FSD2: variants seen among roughly 807,000 people sequenced by gnomAD.
The protein encoded by FSD2 is fibronectin type III and SPRY domain-containing protein 2.
Under a neutral mutation model 80.4 loss-of-function variants are expected in FSD2, and 71 were observed. The ratio of observed to expected loss-of-function variants is 0.88; its 90% CI spans 0.73 to 1.08. The LOEUF is 1.08. Among genes scored for constraint, FSD2 ranks in the 50% least tolerant of loss-of-function variants. FSD2 has a pLI of 0.00. For missense variants in FSD2, 923 were observed against 913.8 expected, an observed-to-expected ratio of 1.01 and a Z score of -0.13; for synonymous variants, 361 against 329.5, an observed-to-expected ratio of 1.10 and a Z score of -1.03.
chr15:82,786,523 G>A lies in FSD2; in HGVS notation c.723C>T (p.Phe241=). 2.5e-6 allele frequency: 4 copies of A among 1,613,008 alleles called. No homozygotes were observed. The highest frequency in any genetic ancestry group is 3.4e-6 in the Non-Finnish European group (4 of 1,179,286). ...ENFANHLEEV[F]ITVEENFGKQ... ...AGTGTGCTCTTACCTCCACAGTGATGAAAACCTCCTCCAAATGATTTGCAA... is the reference window on the plus strand; with the variant it reads ...AGTGTGCTCTTACCTCCACAGTGATAAAAACCTCCTCCAAATGATTTGCAA... Residue 241 remains phenylalanine (F), a synonymous_variant, in exon 3 of 13, where the codon TTC becomes TTT. Transcript: ENST00000334574.
chr15:82,769,065 T>A (rs1243310670), intron 8 of FSD2, 35 bp from the exon 9 acceptor site: 8 of 1,496,054 alleles, frequency 5.3e-6, no homozygotes, highest in Non-Finnish European at 7.1e-6. Context: ...TGAACAACTG[T>A]TGTGTTCATT....
chr15:82,782,719 A>G (rs2049897576), intron 4 of FSD2, 76 bp downstream of exon 4: 4 of 1,276,502 alleles, frequency 3.1e-6, no homozygotes, highest in Middle Eastern at 1.9e-4. Flanking sequence ...GCTTACCTCA[A>G]CCATAACTGT....
intron 11 of FSD2, among the ~76,000 whole-genome samples, chr15:82,764,397 C>T (rs770940500): frequency 1.6e-4 from 25 of 151,964 alleles, no homozygotes; most frequent in African/African-American, 3.6e-4. Flanking sequence ...TTCTGTAACC[C>T]GGCCCTTAAG....
intron 1 of FSD2, among the ~76,000 whole-genome samples, chr15:82,805,003 A>T (rs2050495482): frequency 6.6e-6 from 1 of 152,212 alleles, no homozygotes; most frequent in Non-Finnish European, 1.5e-5. Context: ...AATTAGTCAT[A>T]GTCCATTATG....
chr15:82,771,820 C>T (rs761111541), intron 7 of FSD2, among the ~76,000 whole-genome samples: 1 of 152,250 alleles, frequency 6.6e-6, no homozygotes, highest in African/African-American at 2.4e-5. Context: ...AGAGACTGGT[C>T]CCAGGGACAA....
intron 1 of FSD2, among the ~76,000 whole-genome samples, chr15:82,804,042 T>C (rs1450878751): frequency 2.6e-5 from 4 of 152,178 alleles, no homozygotes; most frequent in African/African-American, 4.8e-5. Flanking sequence ...GCTGCTGTTA[T>C]TGTTGTTGTT....
intron 5 of FSD2, 74 bp from the exon 6 acceptor site, chr15:82,778,961 A>G (rs1419649815): frequency 3.3e-6 from 5 of 1,521,264 alleles, no homozygotes; most frequent in African/African-American, 2.8e-5. Flanking sequence ...GTGCTGAGTC[A>G]CTGTCATAAA....
At chr15:82,761,843 AT>A (rs2049302840) in intron 12 of FSD2, among the ~76,000 whole-genome samples, 1 of 151,960 alleles carries the variant, frequency 6.6e-6, no homozygotes, top group Non-Finnish European at 1.5e-5. Context: ...AGATAACACA[AT>A]TGTGAGAAGT....
chr15:82,789,639 A>G (rs1227833829), intron 1 of FSD2, among the ~76,000 whole-genome samples: 1 of 152,196 alleles, frequency 6.6e-6, no homozygotes, highest in East Asian at 1.9e-4. Flanking sequence ...CAGATATCCA[A>G]CTACAGGGAG....
chr15:82,775,173 T>G (rs555571064), intron 6 of FSD2, among the ~76,000 whole-genome samples: 12 of 151,146 alleles, frequency 7.9e-5, no homozygotes, highest in East Asian at 6.0e-4. Flanking sequence ...TCGAGGCAGG[T>G]GGGTCACGAG....
chr15:82,797,232 A>G (rs539660517), intron 1 of FSD2, among the ~76,000 whole-genome samples: 2 of 152,232 alleles, frequency 1.3e-5, no homozygotes, highest in African/African-American at 2.4e-5. Flanking sequence ...ATAATTTTTC[A>G]TGATAGATCA....
At chr15:82,802,816 T>C (rs931239597) in intron 1 of FSD2, among the ~76,000 whole-genome samples, 4 of 152,156 alleles carry the variant, frequency 2.6e-5, no homozygotes, top group Non-Finnish European at 5.9e-5. Flanking sequence ...TAGTGTGTTA[T>C]GGGGCAACAT....
chr15:82,794,932 G>C (rs922819459), intron 1 of FSD2, among the ~76,000 whole-genome samples: 2 of 152,084 alleles, frequency 1.3e-5, no homozygotes, highest in African/African-American at 4.8e-5. Flanking sequence ...CACCATGTTA[G>C]CCATGATGGT....
Position 82,786,499 on chromosome 15 carries a change from G to T in FSD2, c.735+12C>A, listed in dbSNP as rs2050000263. 2 of 1,598,166 alleles carry T rather than the reference G, an allele frequency of 1.3e-6. No homozygotes were observed. Among genetic ancestry groups the T allele is most frequent in the Middle Eastern group, 1.6e-4 (1 of 6,068 alleles). The stretch of plus-strand genomic sequence containing the variant: ...AATGTGAGTCTGATGAGGTCTTCAA[G>T]TGTGCTCTTACCTCCACAGTGATGA... On this transcript the variant is annotated intron_variant, in intron 3 of 12. Transcript: ENST00000334574.
At chr15:82,780,359 G>C in intron 4 of FSD2, 92 bp from the exon 5 acceptor site, 1 of 909,224 alleles carries the variant, frequency 1.1e-6, no homozygotes, top group South Asian at 1.7e-5. Flanking sequence ...TTCTTAAATG[G>C]AGTCTCACTC....
intron 6 of FSD2, among the ~76,000 whole-genome samples, chr15:82,772,591 C>G (rs1105288): frequency 0.46 from 69,242 of 151,908 alleles, 15,935 homozygotes; most frequent in Admixed American, 0.55. Flanking sequence ...TCAGCAGAGA[C>G]AAAGAAGCCT....
intron 5 of FSD2, among the ~76,000 whole-genome samples, chr15:82,779,263 G>C (rs564869150): frequency 6.6e-6 from 1 of 152,226 alleles, no homozygotes; most frequent in East Asian, 1.9e-4. Flanking sequence ...GACTCCCCAG[G>C]CTTCCTCTCC....
intron 4 of FSD2, 122 bp downstream of exon 4, chr15:82,782,673 G>A (rs543887798): frequency 7.6e-6 from 6 of 791,322 alleles, no homozygotes; most frequent in East Asian, 2.4e-5. Context: ...CATAAAAGTC[G>A]ATTCCAATGC....
At position 82,778,829 on chromosome 15, in the gene FSD2, C is replaced by T. The variant is rs771322962; in HGVS notation, c.1048G>A (p.Glu350Lys). 1.9e-5 allele frequency: 30 copies of T among 1,613,820 alleles called. No homozygotes were observed. The highest frequency in any genetic ancestry group is 2.4e-5 in the Non-Finnish European group (28 of 1,179,884). ...TCAGAGAAATCCAAGGTCTGGTCTT[C>T]AAACTCAGGCTGTGCAGAGATTTCC... The part of the protein sequence containing the change: ...DVEISAQPEF[E>K]DQTLDFSDVE... Residue 350 changes from glutamate (E) to lysine (K), a missense_variant, in exon 6 of 13, where the codon GAA (glutamate) becomes AAA (lysine). By Grantham distance (56) the Glu-to-Lys change is moderately conservative (BLOSUM62 1). Coordinates refer to ENST00000334574, the MANE Select transcript of FSD2 (RefSeq NM_001007122.4).
Sources: allele counts gnomAD v4.1 joint callset (sites outside exome capture counted in the v4.1 genomes callset), GRCh38; gene constraint gnomAD v4.1.1; transcripts MANE v1.5; gene names NCBI Gene and HGNC (gene_info 2026-07-23, HGNC 2026-07-21).